MTMR7: variants seen among roughly 807,000 people sequenced by gnomAD.
MTMR7 encodes the protein myotubularin related protein 7.
Under a neutral mutation model 81.2 loss-of-function variants are expected in MTMR7, and 76 were observed. The ratio of observed to expected loss-of-function variants is 0.94; its 90% CI spans 0.78 to 1.13. MTMR7 has a LOEUF of 1.13. Among genes scored for constraint, MTMR7 ranks in the 50% most tolerant of loss-of-function variants. The pLI is 0.00. For missense variants in MTMR7, 1,044 were observed against 820.0 expected (o/e 1.27, Z -3.34); for synonymous variants, 372 against 289.8 (o/e 1.28, Z -2.88).
At chr8:17,307,300 G>A (rs1178350885) in intron 10 of MTMR7, among the ~76,000 whole-genome samples, 2 of 152,134 alleles carry the variant, frequency 1.3e-5, no homozygotes, top group East Asian at 1.9e-4. Flanking sequence ...CATCATCACT[G>A]GCCATCAGAG....
intron 1 of MTMR7, among the ~76,000 whole-genome samples, chr8:17,407,925 C>T (rs530089541): frequency 6.6e-6 from 1 of 152,312 alleles, no homozygotes; most frequent in African/African-American, 2.4e-5. Context: ...CTGCTGATGT[C>T]CGTCTATCAC....
At chr8:17,319,734 G>T (rs915430728) in intron 7 of MTMR7, among the ~76,000 whole-genome samples, 1 of 152,168 alleles carries the variant, frequency 6.6e-6, no homozygotes, top group East Asian at 1.9e-4. Flanking sequence ...GCATCTCCCA[G>T]CTGATGGATA....
chr8:17,394,874 A>C (rs906130478), intron 1 of MTMR7, among the ~76,000 whole-genome samples: 1 of 152,096 alleles, frequency 6.6e-6, no homozygotes, highest in African/African-American at 2.4e-5. Context: ...GTAAGTATTT[A>C]CTGAGCAGTG....
chr8:17,302,702 A>ACCCC (rs1460018324), intron 12 of MTMR7, among the ~76,000 whole-genome samples: 2 of 21,780 alleles, frequency 9.2e-5, no homozygotes, highest in Non-Finnish European at 3.7e-4. Flanking sequence ...CATTGGCAAT[A>ACCCC]ACCCCCCCCC....
At chr8:17,306,995 T>C (rs1255259274) in intron 10 of MTMR7, among the ~76,000 whole-genome samples, 2 of 152,124 alleles carry the variant, frequency 1.3e-5, no homozygotes, top group Non-Finnish European at 2.9e-5. Flanking sequence ...ACTTCATGTC[T>C]AAAACACCAA....
chr8:17,389,409 G>C (rs1031624069), intron 1 of MTMR7, among the ~76,000 whole-genome samples: 2 of 152,074 alleles, frequency 1.3e-5, no homozygotes, highest in Non-Finnish European at 2.9e-5. Context: ...TAGAACTGTG[G>C]GAAGAAAGGA....
At chr8:17,379,342 G>T (rs74670728) in intron 1 of MTMR7, among the ~76,000 whole-genome samples, 3,942 of 152,170 alleles carry the variant, frequency 0.026, 169 homozygotes, top group African/African-American at 0.089. Flanking sequence ...GTCTGACCAC[G>T]CGAACTCCAC....
chr8:17,405,654 T>C lies in MTMR7; in HGVS notation c.24+7615A>G, dbSNP rs144402545. Among the ~76,000 whole-genome samples the C allele has an allele frequency of 1.4e-3, 212 of 152,158 alleles. 1 individual carries two copies. The highest frequency in any genetic ancestry group is 4.7e-3 in the African/African-American group (197 of 41,502). On this transcript the variant is annotated intron_variant, in intron 1 of 13. Transcript: ENST00000180173. ...TAAAATCATCCTTGAAAAGATAGTA[T>C]AGAACAAAAGTGCAAAACTGCAAAA...
chr8:17,399,649 A>C (rs1821363233), intron 1 of MTMR7, among the ~76,000 whole-genome samples: 1 of 152,186 alleles, frequency 6.6e-6, no homozygotes, highest in Admixed American at 6.5e-5. Flanking sequence ...ATAGAACAAC[A>C]AAAGACCTAG....
intron 1 of MTMR7, among the ~76,000 whole-genome samples, chr8:17,400,472 T>C (rs189614709): frequency 2.1e-4 from 32 of 152,316 alleles, no homozygotes; most frequent in South Asian, 1.7e-3. Flanking sequence ...GAAAATGCAG[T>C]TTAGGATCCC....
intron 4 of MTMR7, among the ~76,000 whole-genome samples, chr8:17,358,690 G>C (rs1819970383): frequency 6.6e-6 from 1 of 152,094 alleles, no homozygotes; most frequent in Admixed American, 6.6e-5. Flanking sequence ...TAAGGGACTA[G>C]AAACTAACAA....
chr8:17,309,459 C>T (rs1447419681), intron 9 of MTMR7, 133 bp from the exon 10 acceptor site: 2 of 682,974 alleles, frequency 2.9e-6, no homozygotes, highest in South Asian at 1.6e-5. Flanking sequence ...AATGCATGAA[C>T]AGGCATTATC....
In MTMR7 at chr8:17,313,395, T is replaced by A. The variant is rs759512170; in HGVS notation, c.872A>T (p.Glu291Val). The A allele has an allele frequency of 1.2e-6, 2 of 1,607,246 alleles. No individual in the cohort carries two copies. Among genetic ancestry groups the A allele is most frequent in the East Asian group, 4.5e-5 (2 of 44,866 alleles). Residue 291 changes from glutamate (E) to valine (V), a missense_variant, in exon 8 of 14, where the codon GAA becomes GTA. By Grantham distance (121) the Glu-to-Val change is moderately radical (BLOSUM62 -2). Transcript: ENST00000180173. ...NSLQKMLEVCELKSPSMSDFL... is the reference protein window; with the variant it reads ...NSLQKMLEVCVLKSPSMSDFL... ...ATCACTCATGGAGGGAGATTTAAGT[T>A]CACACACTGCAAGATAAATCATGTT... is the stretch of plus-strand genomic sequence containing the variant.
chr8:17,386,682 T>C (rs549223323), intron 1 of MTMR7, among the ~76,000 whole-genome samples: 10 of 152,212 alleles, frequency 6.6e-5, no homozygotes, highest in Non-Finnish European at 1.2e-4. Flanking sequence ...TCCTGCCACA[T>C]CCATGGCCAT....
intron 3 of MTMR7, among the ~76,000 whole-genome samples, chr8:17,370,365 A>G (rs1476094701): frequency 1.3e-5 from 2 of 151,914 alleles, no homozygotes; most frequent in Non-Finnish European, 2.9e-5. Context: ...TACTAAAAAT[A>G]CAAAAATTAG....
chr8:17,408,395 C>CAAAAAAA (rs530240881), intron 1 of MTMR7, among the ~76,000 whole-genome samples: 465 of 23,470 alleles, frequency 0.02, 42 homozygotes, highest in African/African-American at 0.032. Flanking sequence ...GACTCCGTCT[C>CAAAAAAA]AAAAAAAAAA....
chr8:17,389,338 A>G (rs1821037475), intron 1 of MTMR7, among the ~76,000 whole-genome samples: 1 of 152,182 alleles, frequency 6.6e-6, no homozygotes, highest in African/African-American at 2.4e-5. Flanking sequence ...TGGGAACCCA[A>G]GTTATTTTAT....
At position 17,311,654 on chromosome 8, in the gene MTMR7, C is replaced by T. The variant is rs369996497; in HGVS notation, c.976-18G>A. On this transcript the variant is annotated intron_variant, in intron 8 of 13. Coordinates refer to ENST00000180173, the MANE Select transcript of MTMR7 (RefSeq NM_004686.5). Reference sequence around the variant, plus strand: ...GACACTGCCTAGAAAACACACGATCCGCAAAGAGTCACAAAGAATGGCTGT... The same window carrying T: ...GACACTGCCTAGAAAACACACGATCTGCAAAGAGTCACAAAGAATGGCTGT... The T allele has an allele frequency of 1.1e-5, 17 of 1,613,896 alleles. No individual in the cohort carries two copies. The highest frequency in any genetic ancestry group is 5.0e-5 in the Admixed American group (3 of 59,990).
intron 1 of MTMR7, among the ~76,000 whole-genome samples, chr8:17,408,626 T>G (rs1199139346): frequency 6.6e-6 from 1 of 151,944 alleles, no homozygotes; most frequent in African/African-American, 2.4e-5. Flanking sequence ...AGACAATGAA[T>G]GAGGTAACAG....
Sources: allele counts gnomAD v4.1 joint callset (sites outside exome capture counted in the v4.1 genomes callset), GRCh38; gene constraint gnomAD v4.1.1; transcripts MANE v1.5; gene names NCBI Gene and HGNC (gene_info 2026-07-23, HGNC 2026-07-21).